ATP8A1: variants seen among roughly 807,000 people sequenced by gnomAD.
ATP8A1 encodes ATPase phospholipid transporting 8A1, also known as phospholipid-transporting ATPase IA.
Under a neutral mutation model 177.7 loss-of-function variants are expected in ATP8A1, and 90 were observed. The observed-to-expected ratio is 0.51, with a 90% CI of 0.43 to 0.60. The LOEUF is 0.60. ATP8A1 is among the 20% of genes least tolerant of loss of function. The pLI is 0.00. For synonymous variants in ATP8A1, 493 were observed against 485.9 expected (o/e 1.01, Z -0.19); for missense variants, 1,072 against 1,392.8 (o/e 0.77, Z 3.67).
Position 42,448,401 on chromosome 4 carries a change from C to CTTTT in ATP8A1, c.2897-1761_2897-1758dup, listed in dbSNP as rs1226963744. On this transcript the variant is annotated intron_variant, in intron 30 of 36. Transcript: ENST00000381668. ...CTCCCTCCCTCCTTCTCTTTCTTTTCTTTTTTTTTTTTTTGAGATGGAGTC... is the reference window on the plus strand; with the variant it reads ...CTCCCTCCCTCCTTCTCTTTCTTTTCTTTTTTTTTTTTTTTTTTGAGATGGAGTC... 1.3e-4 allele frequency among the ~76,000 whole-genome samples: 13 copies of CTTTT among 99,558 alleles called. 1 individual carries two copies. The highest frequency in any genetic ancestry group is 3.8e-4 in the South Asian group (1 of 2,600). The allele number at this position is 99,558 out of a possible 152,430, so 65.3% of individuals were successfully genotyped here.
chr4:42,434,547 G>T (rs1420442802), intron 33 of ATP8A1, among the ~76,000 whole-genome samples: 1 of 152,172 alleles, frequency 6.6e-6, no homozygotes, highest in African/African-American at 2.4e-5. Context: ...ACTTTTAGTT[G>T]CCCTTCATTC....
chr4:42,576,853 G>A (rs1732513541), intron 12 of ATP8A1, among the ~76,000 whole-genome samples: 2 of 152,194 alleles, frequency 1.3e-5, no homozygotes, highest in Admixed American at 6.6e-5. Flanking sequence ...AGAAGGCGGG[G>A]AATGTTTAAT....
At chr4:42,466,031 CAAAAAAAAA>C (rs57949092) in intron 25 of ATP8A1, among the ~76,000 whole-genome samples, 22 of 108,114 alleles carry the variant, frequency 2.0e-4, no homozygotes, top group South Asian at 6.4e-4. Context: ...GACTCCGTCT[CAAAAAAAAA>C]AAAAAAAAAA....
intron 1 of ATP8A1, among the ~76,000 whole-genome samples, chr4:42,638,648 G>A (rs1739628313): frequency 6.6e-6 from 1 of 152,204 alleles, no homozygotes; most frequent in Admixed American, 6.5e-5. Context: ...ATGAAAGACA[G>A]AAGGAATTTA....
chr4:42,525,442 T>C (rs926431213), intron 20 of ATP8A1, among the ~76,000 whole-genome samples: 1 of 152,160 alleles, frequency 6.6e-6, no homozygotes, highest in Non-Finnish European at 1.5e-5. Flanking sequence ...AGAGGGCCAG[T>C]GGGTATTGTG....
At chr4:42,601,594 G>A (rs1377268885) in intron 5 of ATP8A1, among the ~76,000 whole-genome samples, 1 of 152,060 alleles carries the variant, frequency 6.6e-6, no homozygotes, top group Non-Finnish European at 1.5e-5. Context: ...ATGTGAGGTA[G>A]CCGGCACAGC....
chr4:42,512,797 C>T (rs568701868), intron 22 of ATP8A1, among the ~76,000 whole-genome samples: 45 of 152,262 alleles, frequency 3.0e-4, no homozygotes, highest in African/African-American at 9.1e-4. Flanking sequence ...AATAGGTCTA[C>T]GGTGAAGCCT....
At chr4:42,427,955 G>C (rs555862597) in intron 33 of ATP8A1, among the ~76,000 whole-genome samples, 13 of 152,236 alleles carry the variant, frequency 8.5e-5, no homozygotes, top group Non-Finnish European at 1.8e-4. Context: ...ATTCGTTGTG[G>C]GTTGTTATAA....
intron 22 of ATP8A1, among the ~76,000 whole-genome samples, chr4:42,514,469 G>T (rs1725323422): frequency 6.6e-6 from 1 of 152,168 alleles, no homozygotes; most frequent in Admixed American, 6.5e-5. Flanking sequence ...ACGGCCAGTT[G>T]AGGGAAAATC....
chr4:42,573,858 A>G (rs533240214), intron 14 of ATP8A1, among the ~76,000 whole-genome samples: 1 of 152,338 alleles, frequency 6.6e-6, no homozygotes, highest in South Asian at 2.1e-4. Flanking sequence ...GATATTTACT[A>G]GTCTCACTTC....
At chr4:42,417,079 G>GCAGAGT (rs970779390) in intron 35 of ATP8A1, among the ~76,000 whole-genome samples, 1 of 152,058 alleles carries the variant, frequency 6.6e-6, no homozygotes, top group African/African-American at 2.4e-5. Flanking sequence ...GTCCTGTAGA[G>GCAGAGT]CAGAGTCCCT....
At chr4:42,542,673 G>A (rs1456424044) in intron 20 of ATP8A1, among the ~76,000 whole-genome samples, 1 of 152,074 alleles carries the variant, frequency 6.6e-6, no homozygotes, top group Non-Finnish European at 1.5e-5. Flanking sequence ...ACTTATGAGT[G>A]AGAACATGCG....
chr4:42,418,553 C>T (rs1467049153), intron 35 of ATP8A1, among the ~76,000 whole-genome samples: 4 of 151,982 alleles, frequency 2.6e-5, no homozygotes, highest in African/African-American at 7.3e-5. Flanking sequence ...CTCCAGTGGA[C>T]GGTTTTTCCT....
intron 33 of ATP8A1, among the ~76,000 whole-genome samples, chr4:42,427,320 T>G (rs1560311893): frequency 6.6e-6 from 1 of 152,230 alleles, no homozygotes; most frequent in Non-Finnish European, 1.5e-5. Flanking sequence ...CCCATTTATC[T>G]TCATAAGAAT....
intron 22 of ATP8A1, among the ~76,000 whole-genome samples, chr4:42,517,287 G>A (rs1463424808): frequency 3.3e-4 from 28 of 84,202 alleles, no homozygotes; most frequent in African/African-American, 1.1e-3. Context: ...GTGAGACTCC[G>A]TCTCAAAAAA....
chr4:42,561,461 T>C (rs1040026390), intron 15 of ATP8A1: 1 of 152,334 alleles, frequency 6.6e-6, no homozygotes, highest in Non-Finnish European at 1.5e-5. Flanking sequence ...GCTTACCCTC[T>C]GATGTCTGCT....
At chr4:42,553,169 T>C (rs1024543310) in intron 16 of ATP8A1, among the ~76,000 whole-genome samples, 3 of 152,314 alleles carry the variant, frequency 2.0e-5, no homozygotes, top group East Asian at 3.9e-4. Flanking sequence ...ACAAGACAAC[T>C]TGGTGTTGTC....
intron 33 of ATP8A1, among the ~76,000 whole-genome samples, chr4:42,438,267 A>G (rs1231567625): frequency 2.6e-5 from 4 of 152,130 alleles, no homozygotes; most frequent in Non-Finnish European, 5.9e-5. Flanking sequence ...GAAATGTCTA[A>G]AAGGATTTAC....
intron 22 of ATP8A1, among the ~76,000 whole-genome samples, chr4:42,512,293 G>C (rs1047285626): frequency 6.6e-6 from 1 of 152,166 alleles, no homozygotes; most frequent in Admixed American, 6.5e-5. Context: ...TTAAACTTTT[G>C]TGTCTGTTCT....
Sources: allele counts gnomAD v4.1 joint callset (sites outside exome capture counted in the v4.1 genomes callset), GRCh38; gene constraint gnomAD v4.1.1; transcripts MANE v1.5; gene names NCBI Gene and HGNC (gene_info 2026-07-23, HGNC 2026-07-21).